STMN4: variants seen among roughly 807,000 people sequenced by gnomAD.
STMN4 encodes the protein stathmin-4.
A neutral mutation model predicts 29.1 loss-of-function variants in STMN4; 12 were observed. The ratio of observed to expected loss-of-function variants is 0.41; its 90% CI spans 0.26 to 0.67. The LOEUF is 0.67. Ranked by LOEUF, STMN4 falls within the 30% of genes least tolerant of loss-of-function variation. The pLI, the probability that STMN4 is intolerant of heterozygous loss-of-function variation, is 0.30. For synonymous variants in STMN4, 114 were observed against 105.3 expected, an observed-to-expected ratio of 1.08 and a Z score of -0.51; for missense variants, 181 against 262.8, an observed-to-expected ratio of 0.69 and a Z score of 2.15.
chr8:27,243,260 A>G (rs546146243), intron 2 of STMN4, among the ~76,000 whole-genome samples: 1 of 151,946 alleles, frequency 6.6e-6, no homozygotes, highest in Non-Finnish European at 1.5e-5. Flanking sequence ...TTTTGTTGAG[A>G]TGAGGGTCTC....
At chr8:27,242,850 G>A (rs763256520) in intron 2 of STMN4, among the ~76,000 whole-genome samples, 10 of 152,076 alleles carry the variant, frequency 6.6e-5, no homozygotes, top group East Asian at 3.9e-4. Flanking sequence ...AGGACATTCC[G>A]ATTCTTTTTC....
At chr8:27,242,805 A>G (rs975528376) in intron 2 of STMN4, among the ~76,000 whole-genome samples, 3 of 152,166 alleles carry the variant, frequency 2.0e-5, no homozygotes, top group Admixed American at 6.5e-5. Flanking sequence ...CCCAAGCACC[A>G]GTGCCTCAGC....
Position 27,236,751 on chromosome 8 carries a change from C to T in STMN4, c.*95G>A. On this transcript the variant is annotated 3_prime_UTR_variant, in exon 7 of 7. Coordinates refer to ENST00000350889, the MANE Select transcript of STMN4 (RefSeq NM_030795.4). ...TGGCCACCCCCCTCCCCCCAAACCC[C>T]AGTGCTGGGAGCGCAGCCGGCGGGC... 8.2e-7 allele frequency: 1 copy of T among 1,226,046 alleles called. No homozygotes were observed. The highest frequency in any genetic ancestry group is 1.1e-6 in the Non-Finnish European group (1 of 906,278). The allele number at this position is 1,226,046 out of a possible 1,614,324, so 75.9% of individuals were successfully genotyped here.
rs560031695 is a variant in STMN4, at chr8:27,241,889, G to C, written c.110-132C>G. 43 of 1,006,758 alleles carry C rather than the reference G, an allele frequency of 4.3e-5. 1 individual carries two copies. Among genetic ancestry groups the C allele is most frequent in the Non-Finnish European group, 6.3e-5 (41 of 654,824 alleles). The allele number at this position is 1,006,758 out of a possible 1,614,324, so 62.4% of individuals were successfully genotyped here. A position where few individuals can be genotyped will look rare whatever the true frequency, so the allele number is the denominator to read the frequency against. ...GTCCCCGAGCACCCCTGGTGAGGAC[G>C]TGGCCACCCAGTGCTCCCTGCTGGT... On this transcript the variant is annotated intron_variant, in intron 3 of 6. Transcript: ENST00000350889.
chr8:27,238,845 A>G (rs1801384639), intron 6 of STMN4, among the ~76,000 whole-genome samples: 1 of 152,252 alleles, frequency 6.6e-6, no homozygotes, highest in Admixed American at 6.5e-5. Flanking sequence ...AGGAAATGAA[A>G]GTATTTTGCA....
intron 1 of STMN4, among the ~76,000 whole-genome samples, chr8:27,247,924 G>T (rs1448805925): frequency 1.3e-5 from 2 of 152,194 alleles, no homozygotes; most frequent in African/African-American, 4.8e-5. Flanking sequence ...TGTTAGGTGA[G>T]AGCCAATCCT....
At chr8:27,240,618 A>G (rs1801441831) in intron 5 of STMN4, among the ~76,000 whole-genome samples, 1 of 152,200 alleles carries the variant, frequency 6.6e-6, no homozygotes, top group Non-Finnish European at 1.5e-5. Flanking sequence ...AAGATAAAGA[A>G]AAGTTACACA....
intron 1 of STMN4, among the ~76,000 whole-genome samples, chr8:27,247,254 CAAAAAAAA>C (rs150260843): frequency 9.3e-6 from 1 of 107,806 alleles, no homozygotes; most frequent in Non-Finnish European, 1.8e-5. Flanking sequence ...GACTTTGTCT[CAAAAAAAA>C]AAAAAAAAAA....
At position 27,243,788 on chromosome 8, in the gene STMN4, A is replaced by ACGCTGT; in HGVS notation, c.-71_-66dup. On this transcript the variant is annotated 5_prime_UTR_variant, in exon 2 of 7. Coordinates refer to ENST00000350889, the MANE Select transcript of STMN4 (RefSeq NM_030795.4). ...AGAGTGGGTCTGTCACCAGCTTGGGACGCTGTCACCAACCTGAGAAAAGGG... is the reference window on the plus strand; with the variant it reads ...AGAGTGGGTCTGTCACCAGCTTGGGACGCTGTCGCTGTCACCAACCTGAGAAAAGGG... 1 of 1,614,106 alleles carries ACGCTGT rather than the reference A, an allele frequency of 6.2e-7. No homozygotes were observed. Among genetic ancestry groups the ACGCTGT allele is most frequent in the South Asian group, 1.1e-5 (1 of 91,088 alleles).
intron 1 of STMN4, among the ~76,000 whole-genome samples, chr8:27,254,605 G>A (rs940059510): frequency 1.3e-5 from 2 of 152,140 alleles, no homozygotes; most frequent in Non-Finnish European, 2.9e-5. Context: ...TGTGTGTGTA[G>A]GGGATGGAGT....
chr8:27,239,683 G>C (rs1801408242), intron 6 of STMN4: 1 of 1,434,850 alleles, frequency 7.0e-7, no homozygotes, highest in South Asian at 1.5e-5. Context: ...TATTAGACAG[G>C]CTTCTTCTAG....
intron 1 of STMN4, among the ~76,000 whole-genome samples, chr8:27,244,092 G>A (rs986206689): frequency 1.3e-5 from 2 of 152,174 alleles, no homozygotes; most frequent in Admixed American, 6.5e-5. Context: ...GGATCAAGGG[G>A]TGCTCATCTG....
intron 6 of STMN4, 104 bp downstream of exon 6, chr8:27,239,867 T>C (rs2130055951): frequency 1.9e-6 from 3 of 1,586,924 alleles, no homozygotes; most frequent in Non-Finnish European, 2.6e-6. Flanking sequence ...GATTTTTGCC[T>C]GAGGCTGCTT....
At chr8:27,254,482 T>A (rs73239470) in intron 1 of STMN4, among the ~76,000 whole-genome samples, 9,390 of 152,044 alleles carry the variant, frequency 0.062, 406 homozygotes, top group Non-Finnish European at 0.091. Context: ...CCTGCCTCCC[T>A]CCACCCGCCT....
chr8:27,247,662 C>T (rs1445906474), intron 1 of STMN4, among the ~76,000 whole-genome samples: 1 of 152,204 alleles, frequency 6.6e-6, no homozygotes, highest in Non-Finnish European at 1.5e-5. Flanking sequence ...GGCCACCAAA[C>T]CTCTCCTGGA....
intron 1 of STMN4, among the ~76,000 whole-genome samples, chr8:27,250,733 C>A (rs1370835766): frequency 6.6e-6 from 1 of 152,160 alleles, no homozygotes; most frequent in Non-Finnish European, 1.5e-5. Context: ...GGGACCTGGA[C>A]AAGGGCAACT....
chr8:27,236,783 G>T lies in STMN4; in HGVS notation c.*63C>A, dbSNP rs1801321307. 2 of 1,467,710 alleles carry T rather than the reference G, an allele frequency of 1.4e-6. No individual in the cohort carries two copies. The highest frequency in any genetic ancestry group is 1.4e-5 in the African/African-American group (1 of 70,104). 90.9% of individuals were successfully genotyped at this position (1,467,710 alleles called of 1,614,324 possible). On this transcript the variant is annotated 3_prime_UTR_variant, in exon 7 of 7. Coordinates refer to ENST00000350889, the MANE Select transcript of STMN4 (RefSeq NM_030795.4). ...GGGAGCGCAGCCGGCGGGCGAGGCT[G>T]CCTGGAACGTGGAGCTGCTGGAGCT...
chr8:27,247,402 G>C (rs1219660393), intron 1 of STMN4, among the ~76,000 whole-genome samples: 1 of 152,198 alleles, frequency 6.6e-6, no homozygotes, highest in Non-Finnish European at 1.5e-5. Context: ...AAAGGACACA[G>C]AAGATAAAAA....
chr8:27,251,294 ATATACATATAATAT>A (rs1182249931), intron 1 of STMN4, among the ~76,000 whole-genome samples: 1 of 141,442 alleles, frequency 7.1e-6, no homozygotes, highest in Non-Finnish European at 1.5e-5. Context: ...ACGTATATAT[ATATACATATAATAT>A]TATATATATA....
Sources: allele counts gnomAD v4.1 joint callset (sites outside exome capture counted in the v4.1 genomes callset), GRCh38; gene constraint gnomAD v4.1.1; transcripts MANE v1.5; gene names NCBI Gene and HGNC (gene_info 2026-07-23, HGNC 2026-07-21).